The following ADAMTS15 variants were observed in gnomAD, a reference collection of about 807,000 sequenced individuals.
ADAMTS15 encodes the protein ADAM metallopeptidase with thrombospondin type 1 motif 15, also known as A disintegrin and metalloproteinase with thrombospondin motifs 15.
Under a neutral mutation model 79.1 loss-of-function variants are expected in ADAMTS15, and 35 were observed. The observed-to-expected ratio is 0.44, with a 90% CI of 0.34 to 0.59. ADAMTS15 has a LOEUF of 0.59. ADAMTS15 is among the 20% of genes least tolerant of loss of function. ADAMTS15 has a pLI of 0.02. For synonymous variants in ADAMTS15, 616 were observed against 567.3 expected (o/e 1.09, Z -1.22); for missense variants, 1,324 against 1,318.7 (o/e 1.00, Z -0.06).
At chr11:130,460,685 T>A (rs563612697) in intron 1 of ADAMTS15, among the ~76,000 whole-genome samples, 9 of 152,316 alleles carry the variant, frequency 5.9e-5, no homozygotes, top group African/African-American at 2.2e-4. Context: ...CGATGCTCAG[T>A]AAGTTCTTTG....
In ADAMTS15 at chr11:130,471,291, C is replaced by A. The variant is rs1466672998; in HGVS notation, c.1986C>A (p.Asn662Lys). ...GCATCAAGGCTGGCTGTGATGGGAA[C>A]CTGGGCTCCAAGAAGAGATTCGACA... ...GKCIKAGCDG[N>K]LGSKKRFDKC... is the part of the protein sequence containing the mutation. The change falls in exon 7 of 8, where the codon AAC (asparagine) becomes AAA (lysine). Residue 662 changes from asparagine to lysine, a missense_variant. By Grantham distance (94) the Asn-to-Lys change is moderately conservative. Transcript: ENST00000299164. 1 of 1,613,192 alleles carries A rather than the reference C, an allele frequency of 6.2e-7. No homozygotes were observed. The highest frequency in any genetic ancestry group is 1.1e-5 in the South Asian group (1 of 90,894).
Position 130,471,208 on chromosome 11 carries a change from G to A in ADAMTS15, c.1903G>A (p.Val635Met). ...TTTTTCCCCTTCTGGGGTGCTGCAG[G>A]TGGTGGACGGCACGCTGTGCTCTCC... Reference protein sequence around the residue: ...TGYFYVLAPKVVDGTLCSPDS... With the variant: ...TGYFYVLAPKMVDGTLCSPDS... Residue 635 changes from valine to methionine, a missense_variant and splice_region_variant, in exon 7 of 8, where the codon GTG (valine) becomes ATG (methionine). Coordinates refer to ENST00000299164, the MANE Select transcript of ADAMTS15 (RefSeq NM_139055.4). The A allele has an allele frequency of 6.3e-7, 1 of 1,595,110 alleles. No homozygotes were observed. Among genetic ancestry groups the A allele is most frequent in the Non-Finnish European group, 8.5e-7 (1 of 1,170,000 alleles).
intron 1 of ADAMTS15, among the ~76,000 whole-genome samples, chr11:130,460,970 G>C (rs1938186931): frequency 6.6e-6 from 1 of 152,200 alleles, no homozygotes; most frequent in Admixed American, 6.5e-5. Context: ...CCTGATCACT[G>C]GCATGGGTGG....
chr11:130,473,611 C>G lies in ADAMTS15; in HGVS notation c.2643C>G (p.Ala881=). 6.2e-7 allele frequency: 1 copy of G among 1,609,988 alleles called. No individual in the cohort carries two copies. Among genetic ancestry groups the G allele is most frequent in the Non-Finnish European group, 8.5e-7 (1 of 1,179,510 alleles). ...GCACGGTCCCTGCCTGTGATGCAGC[C>G]CATCGGCCCGTGGAGACACAAGCCT... The part of the protein sequence containing the change: ...GQRTVPACDA[A]HRPVETQACG... Residue 881 remains alanine, a synonymous_variant, in exon 8 of 8, where the codon GCC becomes GCG. Coordinates refer to ENST00000299164, the MANE Select transcript of ADAMTS15 (RefSeq NM_139055.4).
At chr11:130,470,164 A>ATATG (rs1938407081) in intron 5 of ADAMTS15, among the ~76,000 whole-genome samples, 3 of 58,236 alleles carry the variant, frequency 5.2e-5, no homozygotes, top group African/African-American at 2.1e-4. Context: ...GTATATATAT[A>ATATG]TATATATATA....
rs560133127 is a variant in ADAMTS15 at position 130,468,738 on chromosome 11, C to G, written c.1543-524C>G. ...CGGGATAGCGCCACTGCAGTCCAGC[C>G]TGGGCGAAAGAGTGAGACTCCATCT... is the stretch of plus-strand genomic sequence containing the variant. On this transcript the variant is annotated intron_variant, in intron 4 of 7. Coordinates refer to ENST00000299164, the MANE Select transcript of ADAMTS15 (RefSeq NM_139055.4). Among the ~76,000 whole-genome samples, 410 of 136,884 alleles carry G rather than the reference C, an allele frequency of 3.0e-3. 9 individuals are homozygous for G. The highest frequency in any genetic ancestry group is 0.022 in the Admixed American group (290 of 13,022). 89.8% of individuals were successfully genotyped at this position (136,884 alleles called of 152,430 possible).
intron 1 of ADAMTS15, among the ~76,000 whole-genome samples, chr11:130,460,659 A>C (rs543382549): frequency 3.9e-5 from 6 of 152,234 alleles, no homozygotes; most frequent in African/African-American, 1.4e-4. Flanking sequence ...AGTTATCTGA[A>C]TGTGTTTCTG....
chr11:130,473,804 G>C lies in ADAMTS15; in HGVS notation c.2836G>C (p.Val946Leu). ...HRKPQELDFC[V>L]LRPC Reference sequence around the variant, plus strand: ...CAAGCCCCAGGAGCTGGACTTCTGCGTCCTGAGGCCGTGCTGAGTGGGGTC... The same window carrying C: ...CAAGCCCCAGGAGCTGGACTTCTGCCTCCTGAGGCCGTGCTGAGTGGGGTC... The change falls in exon 8 of 8, where the codon GTC becomes CTC. Residue 946 changes from valine (V) to leucine (L), a missense_variant. Val to Leu is a conservative substitution (Grantham distance 32). Transcript: ENST00000299164. 6.3e-7 allele frequency: 1 copy of C among 1,596,816 alleles called. No individual in the cohort carries two copies. The highest frequency in any genetic ancestry group is 8.5e-7 in the Non-Finnish European group (1 of 1,178,198).
At chr11:130,470,190 A>ATATATATATATATATATATGTG (rs1565397881) in intron 5 of ADAMTS15, among the ~76,000 whole-genome samples, 5 of 60,018 alleles carry the variant, frequency 8.3e-5, no homozygotes, top group Non-Finnish European at 1.6e-4. Flanking sequence ...ATGTGTGTAT[A>ATATATATATATATATATATGTG]TATATATATA....
intron 5 of ADAMTS15, among the ~76,000 whole-genome samples, chr11:130,470,168 A>ATATATATATG (rs1938410012): frequency 1.7e-5 from 1 of 58,686 alleles, no homozygotes; most frequent in African/African-American, 1.0e-4. Flanking sequence ...ATATATATAT[A>ATATATATATG]TATATATATA....
intron 5 of ADAMTS15, among the ~76,000 whole-genome samples, chr11:130,470,156 A>AT (rs1444500369): frequency 2.3e-5 from 1 of 44,420 alleles, no homozygotes; most frequent in African/African-American, 9.5e-5. Context: ...ATATATGTGT[A>AT]TATATATATA....
chr11:130,468,764 C>CAAAAAAAAAA (rs34961681), intron 4 of ADAMTS15, among the ~76,000 whole-genome samples: 1 of 78,128 alleles, frequency 1.3e-5, no homozygotes, highest in Non-Finnish European at 2.3e-5. Context: ...GACTCCATCT[C>CAAAAAAAAAA]AAAAAAAAAA....
Position 130,449,210 on chromosome 11 carries a change from C to G in ADAMTS15, c.237C>G (p.Phe79Leu), listed in dbSNP as rs1323298044. ...ATGCTCAGTTCTTGGCTCCCGCCTT[C>G]TCCACTGAGCATCTGGGCGTCCCCC... Reference protein sequence around the residue: ...TPDAQFLAPAFSTEHLGVPLQ... With the variant: ...TPDAQFLAPALSTEHLGVPLQ... Residue 79 changes from phenylalanine to leucine, a missense_variant, in exon 1 of 8, where the codon TTC becomes TTG. Phe to Leu is a conservative substitution (Grantham distance 22). Coordinates refer to ENST00000299164, the MANE Select transcript of ADAMTS15 (RefSeq NM_139055.4). The surrounding 1 kb of genome is among the most constrained non-coding windows in gnomAD (Gnocchi z 7.8). 6.2e-7 allele frequency: 1 copy of G among 1,614,128 alleles called. No individual in the cohort carries two copies. The highest frequency in any genetic ancestry group is 8.5e-7 in the Non-Finnish European group (1 of 1,180,004).
chr11:130,473,947 C>A lies in ADAMTS15; in HGVS notation c.*126C>A. On this transcript the variant is annotated 3_prime_UTR_variant, in exon 8 of 8. Coordinates refer to ENST00000299164, the MANE Select transcript of ADAMTS15 (RefSeq NM_139055.4). Reference sequence around the variant, plus strand: ...CCACGATGTCACCCACATCCGGGGACAAGGACCATGGGCTGGGGCGAGAGG... The same window carrying A: ...CCACGATGTCACCCACATCCGGGGAAAAGGACCATGGGCTGGGGCGAGAGG... 3 of 1,320,370 alleles carry A rather than the reference C, an allele frequency of 2.3e-6. No homozygotes were observed. Among genetic ancestry groups the A allele is most frequent in the Non-Finnish European group, 3.0e-6 (3 of 990,462 alleles). 81.8% of individuals were successfully genotyped at this position (1,320,370 alleles called of 1,614,324 possible).
chr11:130,465,071 C>T (rs1938274154), intron 4 of ADAMTS15, among the ~76,000 whole-genome samples: 1 of 152,148 alleles, frequency 6.6e-6, no homozygotes, highest in African/African-American at 2.4e-5. Context: ...TTCATTTCCC[C>T]AGTTGGCTTA....
chr11:130,471,205 C>T lies in ADAMTS15; in HGVS notation c.1903-3C>T. On this transcript the variant is annotated splice_region_variant and splice_polypyrimidine_tract_variant and intron_variant, in intron 6 of 7. Coordinates refer to ENST00000299164, the MANE Select transcript of ADAMTS15 (RefSeq NM_139055.4). ...TTCTTTTTCCCCTTCTGGGGTGCTG[C>T]AGGTGGTGGACGGCACGCTGTGCTC... The T allele has an allele frequency of 1.3e-6, 2 of 1,592,926 alleles. No individual in the cohort carries two copies. Among genetic ancestry groups the T allele is most frequent in the Non-Finnish European group, 1.7e-6 (2 of 1,168,716 alleles).
At position 130,470,158 on chromosome 11, in the gene ADAMTS15, A is replaced by ACACATG. The variant is rs1203509179; in HGVS notation, c.1720+719_1720+720insCACATG. On this transcript the variant is annotated intron_variant, in intron 5 of 7. Coordinates refer to ENST00000299164, the MANE Select transcript of ADAMTS15 (RefSeq NM_139055.4). The stretch of plus-strand genomic sequence containing the variant: ...CATATATATATATATATATGTGTAT[A>ACACATG]TATATATATATATATATATATATGT... 2.4e-3 allele frequency among the ~76,000 whole-genome samples: 120 copies of ACACATG among 49,956 alleles called. 4 individuals carry two copies. Among genetic ancestry groups the ACACATG allele is most frequent in the African/African-American group, 9.2e-3 (80 of 8,722 alleles). 32.8% of individuals were successfully genotyped at this position (49,956 alleles called of 152,430 possible). A position where few individuals can be genotyped will look rare whatever the true frequency, so the allele number is the denominator to read the frequency against.
chr11:130,462,488 T>C lies in ADAMTS15; in HGVS notation c.1259-9T>C. ...GCTCATCCTAACGAACGCCCTCGGC[T>C]CTCTGCAGGTGACTGCCTCCTGGAC... On this transcript the variant is annotated splice_polypyrimidine_tract_variant and intron_variant, in intron 3 of 7. Coordinates refer to ENST00000299164, the MANE Select transcript of ADAMTS15 (RefSeq NM_139055.4). This position sits in a 1 kb window ranked among gnomAD's most constrained non-coding sequence, Gnocchi z 4.3. 6.3e-7 allele frequency: 1 copy of C among 1,578,046 alleles called. No homozygotes were observed. The highest frequency in any genetic ancestry group is 8.6e-7 in the Non-Finnish European group (1 of 1,157,178).
Position 130,470,212 on chromosome 11 carries a change from A to ACG in ADAMTS15, c.1721-708_1721-707insCG, listed in dbSNP as rs1427990885. Among the ~76,000 whole-genome samples the ACG allele has an allele frequency of 2.7e-4, 14 of 52,280 alleles. 1 individual carries two copies. The highest frequency in any genetic ancestry group is 1.6e-3 in the African/African-American group (14 of 8,856). 34.3% of individuals were successfully genotyped at this position (52,280 alleles called of 152,430 possible). On this transcript the variant is annotated intron_variant, in intron 5 of 7. Coordinates refer to ENST00000299164, the MANE Select transcript of ADAMTS15 (RefSeq NM_139055.4). Reference sequence around the variant, plus strand: ...TATATATATATATATATATATATGTATATATATATATATTTTCTGAGGTAG... The same window carrying ACG: ...TATATATATATATATATATATATGTACGTATATATATATATTTTCTGAGGTAG...
Sources: allele counts gnomAD v4.1 joint callset (sites outside exome capture counted in the v4.1 genomes callset), GRCh38; gene constraint gnomAD v4.1.1; non-coding constraint Gnocchi (gnomAD v3.1); transcripts MANE v1.5; gene names NCBI Gene and HGNC (gene_info 2026-07-23, HGNC 2026-07-21).